PLAGL1: variants seen among roughly 807,000 people sequenced by gnomAD.
The protein encoded by PLAGL1 is PLAG1 like zinc finger 1.
PLAGL1 carries 1 observed loss-of-function variant against 4.6 expected under a neutral mutation model. The observed-to-expected ratio is 0.22, with a 90% CI of 0.08 to 1.03. The LOEUF is 1.03. Ranked by LOEUF, PLAGL1 falls within the 50% of genes least tolerant of loss-of-function variation. The pLI is 0.58. For missense variants in PLAGL1, 464 were observed against 570.4 expected (o/e 0.81, Z 1.90); for synonymous variants, 240 against 237.8 (o/e 1.01, Z -0.08).
chr6:143,959,100 C>T lies in PLAGL1; in HGVS notation c.-325+1369G>A, dbSNP rs1782799837. ...GTGCTGCTCTGCGCTCCCCGTCGCC[C>T]CGGAGGCCGGCACCTTGCTCACAAT... On this transcript the variant is annotated intron_variant, in intron 6 of 7. Coordinates refer to ENST00000674357, the MANE Select transcript of PLAGL1 (RefSeq NM_001317162.2). This position sits in a 1 kb window ranked among gnomAD's most constrained non-coding sequence, Gnocchi z 5.3. Among the ~76,000 whole-genome samples the T allele has an allele frequency of 6.6e-6, 1 of 152,228 alleles. No individual in the cohort carries two copies. Among genetic ancestry groups the T allele is most frequent in the East Asian group, 1.9e-4 (1 of 5,196 alleles).
At position 143,961,719 on chromosome 6, in the gene PLAGL1, A is replaced by G. The variant is rs1414958299; in HGVS notation, c.-398-1177T>C. 6.6e-6 allele frequency among the ~76,000 whole-genome samples: 1 copy of G among 152,326 alleles called. No homozygotes were observed. Among genetic ancestry groups the G allele is most frequent in the Admixed American group, 6.5e-5 (1 of 15,306 alleles). On this transcript the variant is annotated intron_variant, in intron 5 of 7. Coordinates refer to ENST00000674357, the MANE Select transcript of PLAGL1 (RefSeq NM_001317162.2). This position sits in a 1 kb window ranked among gnomAD's most constrained non-coding sequence, Gnocchi z 6.5. ...GTGCTGGTTTAATTGGGTGGTCTCC[A>G]AAGGCTTGTATAAAATTTTTTTTGA... is the stretch of plus-strand genomic sequence containing the variant.
intron 1 of PLAGL1, among the ~76,000 whole-genome samples, chr6:144,030,645 T>TA (rs1796747276): frequency 6.6e-6 from 1 of 152,228 alleles, no homozygotes. Context: ...TAGTCTCCAA[T>TA]TCCATCCAGG....
rs112859156 is a variant in PLAGL1, at chr6:144,027,239, G to GAA, written c.-151+37227_-151+37228dup. On this transcript the variant is annotated intron_variant, in intron 1 of 3. Transcript: ENST00000437412. This position sits in a 1 kb window ranked among gnomAD's most constrained non-coding sequence, Gnocchi z 5.8. ...ACCCCAACTCAAAGAACGAACGAAA[G>GAA]AAAGAAAGAAAGAAAGAAAGAAAGA... Among the ~76,000 whole-genome samples the GAA allele has an allele frequency of 1.8e-3, 116 of 63,928 alleles. 2 individuals are homozygous for GAA. The highest frequency in any genetic ancestry group is 5.3e-3 in the African/African-American group (111 of 21,018). 41.9% of individuals were successfully genotyped at this position (63,928 alleles called of 152,430 possible).
chr6:143,992,832 G>C (rs1277473155), intron 1 of PLAGL1, among the ~76,000 whole-genome samples: 3 of 151,960 alleles, frequency 2.0e-5, no homozygotes, highest in Non-Finnish European at 2.9e-5. Flanking sequence ...ACAAAAATTA[G>C]CTGGGTGTGG....
chr6:144,027,238 A>AGAAAGAACGAACGAAC lies in PLAGL1; in HGVS notation c.-151+37229_-151+37230insGTTCGTTCGTTCTTTC, dbSNP rs1375702472. Among the ~76,000 whole-genome samples the AGAAAGAACGAACGAAC allele has an allele frequency of 1.5e-5, 1 of 65,378 alleles. No homozygotes were observed. The highest frequency in any genetic ancestry group is 3.6e-5 in the Non-Finnish European group (1 of 27,656). The allele number at this position is 65,378 out of a possible 152,430, so 42.9% of individuals were successfully genotyped here. A position where few individuals can be genotyped will look rare whatever the true frequency, so the allele number is the denominator to read the frequency against. On this transcript the variant is annotated intron_variant, in intron 1 of 3. Coordinates refer to the PLAGL1 transcript ENST00000437412. This position sits in a 1 kb window ranked among gnomAD's most constrained non-coding sequence, Gnocchi z 5.8. ...GACCCCAACTCAAAGAACGAACGAA[A>AGAAAGAACGAACGAAC]GAAAGAAAGAAAGAAAGAAAGAAAG...
At chr6:144,021,750 A>G (rs1795995039) in intron 1 of PLAGL1, among the ~76,000 whole-genome samples, 1 of 152,262 alleles carries the variant, frequency 6.6e-6, no homozygotes, top group African/African-American at 2.4e-5. Flanking sequence ...AATTCCACAA[A>G]GAAATTAAAG....
At chr6:143,992,681 A>G (rs564929994) in intron 1 of PLAGL1, among the ~76,000 whole-genome samples, 2 of 152,190 alleles carry the variant, frequency 1.3e-5, no homozygotes, top group Non-Finnish European at 2.9e-5. Flanking sequence ...CTCTAGGAGA[A>G]GAGGTAAGAA....
intron 1 of PLAGL1, among the ~76,000 whole-genome samples, chr6:144,052,583 A>G (rs1040385397): frequency 6.6e-6 from 1 of 152,230 alleles, no homozygotes; most frequent in Non-Finnish European, 1.5e-5. Flanking sequence ...GGATGAATAT[A>G]TATCTTGTTC....
chr6:143,999,455 G>A (rs907186643), intron 1 of PLAGL1, among the ~76,000 whole-genome samples: 5 of 152,240 alleles, frequency 3.3e-5, no homozygotes, highest in South Asian at 4.1e-4. Flanking sequence ...TATAAAACAC[G>A]CAGAAAAGCT....
chr6:143,948,873 C>T lies in PLAGL1; in HGVS notation c.-324-413G>A, dbSNP rs1046950661. ...AAATCACCCACACTTACTCAAACCA[C>T]GGGCTCTTCCTCATCACTCATTGTT... On this transcript the variant is annotated intron_variant, in intron 6 of 7. Transcript: ENST00000674357. The surrounding 1 kb of genome is among the most constrained non-coding windows in gnomAD (Gnocchi z 6.0). Among the ~76,000 whole-genome samples the T allele has an allele frequency of 6.6e-5, 10 of 152,334 alleles. No individual in the cohort carries two copies. Among genetic ancestry groups the T allele is most frequent in the African/African-American group, 9.6e-5 (4 of 41,562 alleles).
At position 144,029,237 on chromosome 6, in the gene PLAGL1, T is replaced by C. The variant is rs371392990; in HGVS notation, c.-151+35231A>G. ...ACATATTTTAAATCATCTCCTGTGG[T>C]AAGGAAGGCATTTCCAAGTTTGCAC... On this transcript the variant is annotated intron_variant, in intron 1 of 3. Transcript: ENST00000437412. Among the ~76,000 whole-genome samples the C allele has an allele frequency of 2.0e-5, 3 of 152,292 alleles. No homozygotes were observed. The East Asian group carries it at 5.8e-4, about 29-fold the overall frequency.
Position 144,013,598 on chromosome 6 carries a change from C to T in PLAGL1, c.-150-44620G>A, listed in dbSNP as rs1795355520. ...AAGATATCAGCAAAGGCCGCAGGCG[C>T]CATCTAGTGGCTCTAGTGGAGATTC... On this transcript the variant is annotated intron_variant, in intron 1 of 3. Coordinates refer to the PLAGL1 transcript ENST00000437412. The surrounding 1 kb of genome is among the most constrained non-coding windows in gnomAD (Gnocchi z 4.4). Among the ~76,000 whole-genome samples, 1 of 152,232 alleles carries T rather than the reference C, an allele frequency of 6.6e-6. No homozygotes were observed.
At chr6:144,043,905 G>GCA (rs1797929979) in intron 1 of PLAGL1, among the ~76,000 whole-genome samples, 1 of 152,140 alleles carries the variant, frequency 6.6e-6, no homozygotes, top group South Asian at 2.1e-4. Flanking sequence ...TTTAGCCTTG[G>GCA]CAGGGTGTAT....
rs759090308 is a variant in PLAGL1 at position 143,959,840 on chromosome 6, A to T, written c.-325+629T>A. Reference sequence around the variant, plus strand: ...ATTAATATCATTACTGGTGATGATGATAATGATGATGAACAGAGGTTGCTC... The same window carrying T: ...ATTAATATCATTACTGGTGATGATGTTAATGATGATGAACAGAGGTTGCTC... On this transcript the variant is annotated intron_variant, in intron 6 of 7. Transcript: ENST00000674357. This position sits in a 1 kb window ranked among gnomAD's most constrained non-coding sequence, Gnocchi z 5.3. Among the ~76,000 whole-genome samples the T allele has an allele frequency of 2.0e-5, 3 of 152,210 alleles. No individual in the cohort carries two copies. The highest frequency in any genetic ancestry group is 2.9e-5 in the Non-Finnish European group (2 of 68,036).
At chr6:144,045,261 G>A (rs1391937762) in intron 1 of PLAGL1, among the ~76,000 whole-genome samples, 1 of 152,028 alleles carries the variant, frequency 6.6e-6, no homozygotes, top group Non-Finnish European at 1.5e-5. Flanking sequence ...GTTAATTGAT[G>A]CAGCTTCTTC....
intron 1 of PLAGL1, among the ~76,000 whole-genome samples, chr6:144,003,045 G>A (rs1793254603): frequency 1.3e-5 from 2 of 152,116 alleles, no homozygotes; most frequent in East Asian, 3.9e-4. Context: ...AAAAAAGTAT[G>A]GTACTGATGC....
Position 143,971,584 on chromosome 6 carries a change from C to T in PLAGL1, c.-543-2606G>A, listed in dbSNP as rs1187904505. Among the ~76,000 whole-genome samples, 1 of 152,178 alleles carries T rather than the reference C, an allele frequency of 6.6e-6. No homozygotes were observed. Among genetic ancestry groups the T allele is most frequent in the Non-Finnish European group, 1.5e-5 (1 of 68,032 alleles). Reference sequence around the variant, plus strand: ...AATAGCTAAGAAATTGGGTTTGTCCCAGTGTTCTGTGAAATCAGACTAGTC... The same window carrying T: ...AATAGCTAAGAAATTGGGTTTGTCCTAGTGTTCTGTGAAATCAGACTAGTC... On this transcript the variant is annotated intron_variant, in intron 2 of 7. Transcript: ENST00000674357. The surrounding 1 kb of genome is among the most constrained non-coding windows in gnomAD (Gnocchi z 4.7).
intron 1 of PLAGL1, among the ~76,000 whole-genome samples, chr6:144,041,324 C>T (rs1797709590): frequency 6.6e-6 from 1 of 151,942 alleles, no homozygotes; most frequent in African/African-American, 2.4e-5. Flanking sequence ...TAATGCTATC[C>T]CTCCCCCATG....
At chr6:144,058,813 A>T (rs982400187) in intron 1 of PLAGL1, among the ~76,000 whole-genome samples, 1 of 152,060 alleles carries the variant, frequency 6.6e-6, no homozygotes, top group Non-Finnish European at 1.5e-5. Flanking sequence ...GACCCCCAAG[A>T]CCTTAGGAAG....
Sources: allele counts gnomAD v4.1 joint callset (sites outside exome capture counted in the v4.1 genomes callset), GRCh38; gene constraint gnomAD v4.1.1; non-coding constraint Gnocchi (gnomAD v3.1); transcripts MANE v1.5; gene names NCBI Gene and HGNC (gene_info 2026-07-23, HGNC 2026-07-21).